The following LRP2 variants were observed in gnomAD, a reference collection of about 807,000 sequenced individuals.
The protein encoded by LRP2 is low-density lipoprotein receptor-related protein 2.
LRP2 carries 172 observed loss-of-function variants against 531.0 expected under a neutral mutation model. The observed-to-expected ratio is 0.32, with a 90% CI of 0.29 to 0.37. The LOEUF (loss-of-function observed/expected upper bound fraction) is 0.37. LRP2 is among the 10% of genes least tolerant of loss of function. The pLI, the probability that LRP2 is intolerant of heterozygous loss-of-function variation, is 1.00. For missense variants in LRP2, 5,167 were observed against 5,868.3 expected (o/e 0.88, Z 3.90); for synonymous variants, 1,992 against 2,027.6 (o/e 0.98, Z 0.47).
At chr2:169,281,775 C>T (rs1683711282) in intron 10 of LRP2, among the ~76,000 whole-genome samples, 1 of 151,780 alleles carries the variant, frequency 6.6e-6, no homozygotes, top group African/African-American at 2.4e-5. Flanking sequence ...GAAATAACTT[C>T]ATGTGCTGAA....
At chr2:169,233,733 AGCGGC>A in intron 29 of LRP2, 145 bp from the exon 30 acceptor site, 1 of 804,522 alleles carries the variant, frequency 1.2e-6, no homozygotes, top group Non-Finnish European at 2.1e-6. Flanking sequence ...TGTGCAAAAG[AGCGGC>A]AAAAAATACA....
At chr2:169,328,301 C>G (rs1685169613) in intron 1 of LRP2, among the ~76,000 whole-genome samples, 1 of 139,766 alleles carries the variant, frequency 7.2e-6, no homozygotes, top group African/African-American at 2.6e-5. Flanking sequence ...GGGTCAGCCC[C>G]CCGCCCGGCC....
intron 1 of LRP2, among the ~76,000 whole-genome samples, chr2:169,327,438 G>C (rs1339321659): frequency 2.4e-5 from 3 of 126,246 alleles, no homozygotes; most frequent in Non-Finnish European, 3.4e-5. Flanking sequence ...GAGGGAGGTG[G>C]GGGGATCAGC....
chr2:169,182,494 C>T (rs1431180025), intron 50 of LRP2, 175 bp from the exon 51 acceptor site: 14 of 1,504,798 alleles, frequency 9.3e-6, no homozygotes, highest in Middle Eastern at 2.4e-4. Context: ...TGCAGTGAGG[C>T]AACAGAGGGT....
intron 1 of LRP2, among the ~76,000 whole-genome samples, chr2:169,331,683 C>T (rs1021808952): frequency 1.3e-5 from 2 of 152,158 alleles, no homozygotes; most frequent in African/African-American, 4.8e-5. Context: ...GGCCTGCCTG[C>T]CCAGGTAAAT....
chr2:169,193,428 C>CAAAAA (rs1166288828), intron 47 of LRP2, among the ~76,000 whole-genome samples: 1 of 62,244 alleles, frequency 1.6e-5, no homozygotes, highest in Non-Finnish European at 3.7e-5. Flanking sequence ...AAGACCTTGT[C>CAAAAA]AAAAAAAAAA....
At chr2:169,216,569 A>G (rs1688803328) in intron 34 of LRP2, 139 bp from the exon 35 acceptor site, 1 of 798,518 alleles carries the variant, frequency 1.3e-6, no homozygotes, top group African/African-American at 1.7e-5. Context: ...ATCTCGTTGC[A>G]TACAACGTGG....
intron 29 of LRP2, 32 bp downstream of exon 29, chr2:169,235,808 T>C (rs747056437): frequency 6.5e-7 from 1 of 1,536,004 alleles, no homozygotes; most frequent in East Asian, 2.3e-5. Flanking sequence ...ACGACTGTAG[T>C]TTTAATTTGG....
intron 24 of LRP2, 48 bp from the exon 25 acceptor site, chr2:169,241,413 T>C: frequency 6.2e-7 from 1 of 1,606,990 alleles, no homozygotes. Context: ...TAATTTGTGA[T>C]CCCTTTTATA....
chr2:169,326,237 C>G (rs1398139905), intron 1 of LRP2, among the ~76,000 whole-genome samples: 1 of 139,080 alleles, frequency 7.2e-6, no homozygotes, highest in African/African-American at 2.7e-5. Context: ...CCCTCTCCCT[C>G]TCTTTCCACG....
In LRP2 at chr2:169,267,132, C is replaced by T. The variant is rs558784217; in HGVS notation, c.2320+3772G>A. On this transcript the variant is annotated intron_variant, in intron 16 of 78. Coordinates refer to ENST00000649046, the MANE Select transcript of LRP2 (RefSeq NM_004525.3). ...CTCAAACTCCCGGCCTCAAGCAATC[C>T]TCCCGTCTCGGTTCCCAAAAATAAC... Among the ~76,000 whole-genome samples the T allele has an allele frequency of 5.9e-5, 9 of 151,844 alleles. 1 individual carries two copies. In the South Asian group the frequency reaches 1.3e-3, roughly 21 times the overall value.
intron 16 of LRP2, among the ~76,000 whole-genome samples, chr2:169,264,920 C>A (rs1220972577): frequency 2.6e-5 from 4 of 151,980 alleles, no homozygotes; most frequent in Non-Finnish European, 4.4e-5. Context: ...GCACAGTCCT[C>A]AACACAGAAC....
intron 37 of LRP2, among the ~76,000 whole-genome samples, chr2:169,210,630 C>CA (rs1374817455): frequency 6.6e-6 from 1 of 152,108 alleles, no homozygotes; most frequent in East Asian, 1.9e-4. Context: ...AATGTCATAG[C>CA]AAAAAGCTAG....
chr2:169,212,466 G>T (rs756588264), intron 36 of LRP2, among the ~76,000 whole-genome samples: 2 of 152,114 alleles, frequency 1.3e-5, no homozygotes, highest in Non-Finnish European at 2.9e-5. Context: ...CAAATCATGC[G>T]AGGATTAGGG....
intron 31 of LRP2, among the ~76,000 whole-genome samples, chr2:169,227,845 G>C (rs1389095682): frequency 6.6e-6 from 1 of 152,080 alleles, no homozygotes; most frequent in Non-Finnish European, 1.5e-5. Context: ...CTACAATGTA[G>C]AGTCTTCCAC....
At chr2:169,182,032 T>C (rs1559000434) in intron 51 of LRP2, 135 bp downstream of exon 51, 8 of 1,126,000 alleles carry the variant, frequency 7.1e-6, no homozygotes, top group Non-Finnish European at 1.1e-5. Flanking sequence ...CACTAAACAA[T>C]TTACCAAGTA....
At chr2:169,355,002 G>A (rs1685951358) in intron 1 of LRP2, among the ~76,000 whole-genome samples, 1 of 152,210 alleles carries the variant, frequency 6.6e-6, no homozygotes, top group Non-Finnish European at 1.5e-5. Context: ...TGGAAAAGGA[G>A]TAGGAGCCTA....
rs1482430965 is a variant in LRP2 at position 169,282,878 on chromosome 2, T to A, written c.1166A>T (p.Asp389Val). 38 of 1,613,816 alleles carry A rather than the reference T, an allele frequency of 2.4e-5. No homozygotes were observed. The highest frequency in any genetic ancestry group is 3.2e-5 in the Non-Finnish European group (38 of 1,179,826). Reference protein sequence around the residue: ...LERGQYCKANDSFGEASIIFS... With the variant: ...LERGQYCKANVSFGEASIIFS... Reference sequence around the variant, plus strand: ...GGTGTCCATAATTTACTCACAGGAATCATTAGCTTTGCAATACTGTCCACG... The same window carrying A: ...GGTGTCCATAATTTACTCACAGGAAACATTAGCTTTGCAATACTGTCCACG... The change falls in exon 10 of 79, where the codon GAT (aspartate) becomes GTT (valine). Residue 389 changes from aspartate (D) to valine (V), a missense_variant. This residue lies in a region of LRP2 where 2,811 missense variants were observed against 3,058.0 expected (regional missense o/e 0.92). Coordinates refer to ENST00000649046, the MANE Select transcript of LRP2 (RefSeq NM_004525.3).
chr2:169,148,396 C>T (rs567163075), intron 68 of LRP2, among the ~76,000 whole-genome samples: 2 of 152,268 alleles, frequency 1.3e-5, no homozygotes, highest in East Asian at 3.9e-4. Flanking sequence ...CACAACTCTG[C>T]ATATACCAAA....
Sources: gnomAD v4.1 joint callset for allele counts (sites outside exome capture counted in the v4.1 genomes callset) on GRCh38, gnomAD v4.1.1 for gene constraint, gnomAD v4.1.1 regional missense constraint, MANE v1.5 for transcripts, NCBI Gene and HGNC (gene_info 2026-07-23, HGNC 2026-07-21) for gene names.